The following NBEA variants were observed in gnomAD, a reference collection of about 807,000 sequenced individuals.
The protein encoded by NBEA is neurobeachin, also known as lysosomal-trafficking regulator 2.
A neutral mutation model predicts 343.4 loss-of-function variants in NBEA; 44 were observed. The ratio of observed to expected loss-of-function variants is 0.13; its 90% CI spans 0.10 to 0.16. NBEA has a LOEUF of 0.16. Among genes scored for constraint, NBEA ranks in the 10% least tolerant of loss-of-function variants. The pLI is 1.00. For missense variants in NBEA, 2,555 were observed against 3,631.3 expected (o/e 0.70, Z 7.62); for synonymous variants, 1,175 against 1,238.7 (o/e 0.95, Z 1.08).
chr13:35,196,871 A>G lies in NBEA; in HGVS notation c.5366+569A>G, dbSNP rs371087802. 2.7e-4 allele frequency among the ~76,000 whole-genome samples: 41 copies of G among 152,272 alleles called. 1 individual carries two copies. In the East Asian group the frequency reaches 7.5e-3, roughly 28 times the overall value. On this transcript the variant is annotated intron_variant, in intron 31 of 58. Coordinates refer to ENST00000379939, the MANE Select transcript of NBEA (RefSeq NM_001385012.1). ...TTGAAGCATGTATTTAAAAGTAAAT[A>G]TTTTTGAAAGGTATTTTGGCATTTT...
At chr13:35,650,437 C>G (rs2084460590) in intron 52 of NBEA, among the ~76,000 whole-genome samples, 1 of 152,114 alleles carries the variant, frequency 6.6e-6, no homozygotes, top group Non-Finnish European at 1.5e-5. Flanking sequence ...CTGAAAGTAC[C>G]AGCCAGTACA....
intron 35 of NBEA, among the ~76,000 whole-genome samples, chr13:35,300,297 C>T (rs574693699): frequency 1.4e-4 from 22 of 152,186 alleles, no homozygotes; most frequent in Admixed American, 1.4e-3. Flanking sequence ...GCACTCCAGC[C>T]TGGGTGACAA....
intron 1 of NBEA, among the ~76,000 whole-genome samples, chr13:35,005,899 A>G (rs2061301955): frequency 6.6e-6 from 1 of 152,186 alleles, no homozygotes; most frequent in Non-Finnish European, 1.5e-5. Context: ...TACTTTGCAC[A>G]TTTTAAACTC....
intron 41 of NBEA, among the ~76,000 whole-genome samples, chr13:35,489,493 T>C (rs929689635): frequency 6.6e-6 from 1 of 151,938 alleles, no homozygotes; most frequent in Non-Finnish European, 1.5e-5. Flanking sequence ...ATTCTTATGC[T>C]CTTCTCTGAT....
intron 1 of NBEA, among the ~76,000 whole-genome samples, chr13:35,029,149 CACAA>C (rs758018958): frequency 6.9e-6 from 1 of 145,190 alleles, no homozygotes; most frequent in Non-Finnish European, 1.5e-5. Flanking sequence ...CTGTTGAGGG[CACAA>C]ACAATTAGTC....
intron 41 of NBEA, among the ~76,000 whole-genome samples, chr13:35,484,270 G>C (rs61949167): frequency 8.2e-6 from 1 of 121,970 alleles, no homozygotes; most frequent in Admixed American, 8.5e-5. Flanking sequence ...GTGTGTGTGT[G>C]TGTGTATATA....
rs2085614693 is a variant in NBEA, at chr13:35,671,519, T to C, written c.*528T>C. The C allele has an allele frequency of 6.5e-6, 1 of 153,566 alleles. No homozygotes were observed. The highest frequency in any genetic ancestry group is 2.4e-5 in the African/African-American group (1 of 41,476). The allele number at this position is 153,566 out of a possible 1,614,324, so 9.5% of individuals were successfully genotyped here. On this transcript the variant is annotated 3_prime_UTR_variant, in exon 59 of 59. Transcript: ENST00000379939. ...TTAATTTTATTGTGGAGTTACAACT[T>C]GCATGTTCCTTACTCCTGTTGGCTT...
At chr13:35,275,096 A>G (rs914347197) in intron 34 of NBEA, among the ~76,000 whole-genome samples, 4 of 152,176 alleles carry the variant, frequency 2.6e-5, no homozygotes, top group Non-Finnish European at 5.9e-5. Flanking sequence ...ATGCTACCTG[A>G]CTTCAAACTA....
chr13:35,643,797 A>G (rs1310282073), intron 49 of NBEA, among the ~76,000 whole-genome samples: 1 of 152,202 alleles, frequency 6.6e-6, no homozygotes. Context: ...AGCTCTCAGA[A>G]CAACTACTTC....
intron 1 of NBEA, among the ~76,000 whole-genome samples, chr13:34,947,525 T>C (rs1049003269): frequency 6.6e-6 from 1 of 152,162 alleles, no homozygotes; most frequent in African/African-American, 2.4e-5. Context: ...AACATATTGT[T>C]ATGCATTAGT....
intron 41 of NBEA, among the ~76,000 whole-genome samples, chr13:35,502,000 A>G (rs2076909130): frequency 6.6e-6 from 1 of 152,118 alleles, no homozygotes. Flanking sequence ...AATATTTTTG[A>G]AGCACCTGCT....
intron 4 of NBEA, 118 bp from the exon 5 acceptor site, chr13:35,048,445 G>A: frequency 1.1e-6 from 1 of 897,266 alleles, no homozygotes; most frequent in East Asian, 2.7e-5. Context: ...GGATTTGTTT[G>A]TGATTTTCTG....
chr13:35,337,450 A>G (rs2039331625), intron 36 of NBEA, among the ~76,000 whole-genome samples: 1 of 152,168 alleles, frequency 6.6e-6, no homozygotes, highest in Admixed American at 6.6e-5. Flanking sequence ...TCCATAAGAT[A>G]TCATAGTTTT....
chr13:34,950,086 G>A (rs928818352), intron 1 of NBEA, among the ~76,000 whole-genome samples: 1 of 152,062 alleles, frequency 6.6e-6, no homozygotes, highest in Non-Finnish European at 1.5e-5. Flanking sequence ...AGTCATTCTT[G>A]ATTTTTATGG....
chr13:35,596,394 T>G (rs1170169674), intron 47 of NBEA, among the ~76,000 whole-genome samples: 1 of 152,168 alleles, frequency 6.6e-6, no homozygotes, highest in Non-Finnish European at 1.5e-5. Flanking sequence ...TTTAAGGAAG[T>G]GTGTTTCCAT....
chr13:35,336,642 G>C (rs1038218799), intron 36 of NBEA, among the ~76,000 whole-genome samples: 2 of 152,006 alleles, frequency 1.3e-5, no homozygotes, highest in Admixed American at 6.6e-5. Context: ...ATCAATGGTA[G>C]ACTGGGTTAA....
intron 8 of NBEA, among the ~76,000 whole-genome samples, chr13:35,060,264 G>A (rs2152568268): frequency 6.6e-6 from 1 of 151,874 alleles, no homozygotes; most frequent in Non-Finnish European, 1.5e-5. Flanking sequence ...GGAGCTTCCT[G>A]GCAACATCAA....
intron 27 of NBEA, 130 bp downstream of exon 27, chr13:35,173,724 G>T: frequency 1.4e-6 from 1 of 733,570 alleles, no homozygotes; most frequent in Non-Finnish European, 1.9e-6. Flanking sequence ...GCAGCTCTAG[G>T]CTGCTTAACA....
intron 38 of NBEA, among the ~76,000 whole-genome samples, chr13:35,356,613 T>C (rs961247938): frequency 9.9e-5 from 15 of 152,098 alleles, no homozygotes; most frequent in Admixed American, 9.8e-4. Context: ...CATATTAGAG[T>C]GACCGTTGAT....
Sources: gnomAD v4.1 joint callset for allele counts (sites outside exome capture counted in the v4.1 genomes callset) on GRCh38, gnomAD v4.1.1 for gene constraint, MANE v1.5 for transcripts, NCBI Gene and HGNC (gene_info 2026-07-23, HGNC 2026-07-21) for gene names.